The following ASB1 variants were observed in gnomAD, a reference collection of about 807,000 sequenced individuals.
ASB1 encodes ankyrin repeat and SOCS box containing 1, also known as ankyrin repeat and SOCS box protein 1.
Under a neutral mutation model 27.7 loss-of-function variants are expected in ASB1, and 18 were observed. The observed-to-expected ratio is 0.65, with a 90% confidence interval of 0.45 to 0.96. ASB1 has a LOEUF of 0.96. ASB1 is among the 50% of genes least tolerant of loss of function. The pLI, the probability that ASB1 is intolerant of heterozygous loss-of-function variation, is 0.00. For missense variants in ASB1, 397 were observed against 451.7 expected (o/e 0.88, Z 1.10); for synonymous variants, 189 against 187.6 (o/e 1.01, Z -0.06).
Position 238,449,903 on chromosome 2 carries a change from A to G in ASB1, c.*3392A>G, listed in dbSNP as rs1025134384. ...AGCAGACATAGGACTGAGCCAAGGA[A>G]GAGTCTGCCTGAGAGAGACGCTTGG... On this transcript the variant is annotated 3_prime_UTR_variant, in exon 5 of 5. Coordinates refer to ENST00000264607, the MANE Select transcript of ASB1 (RefSeq NM_001040445.3). 1 of 152,240 alleles carries G rather than the reference A, an allele frequency of 6.6e-6. No individual in the cohort carries two copies. Among genetic ancestry groups the G allele is most frequent in the African/African-American group, 2.4e-5 (1 of 41,466 alleles). The allele number at this position is 152,240 out of a possible 1,614,324, so 9.4% of individuals were successfully genotyped here. A position where few individuals can be genotyped will look rare whatever the true frequency, so the allele number is the denominator to read the frequency against.
chr2:238,442,156 C>G (rs1234418782), intron 3 of ASB1, among the ~76,000 whole-genome samples: 3 of 148,574 alleles, frequency 2.0e-5, no homozygotes, highest in African/African-American at 7.5e-5. Context: ...AAGTCTCGCT[C>G]TGTTGCCCAG....
intron 3 of ASB1, among the ~76,000 whole-genome samples, chr2:238,441,614 C>G (rs1323576189): frequency 6.6e-6 from 1 of 152,194 alleles, no homozygotes; most frequent in African/African-American, 2.4e-5. Context: ...CCTCCCTCTT[C>G]CTGTGCTCGG....
intron 3 of ASB1, among the ~76,000 whole-genome samples, chr2:238,443,367 A>G (rs1702115040): frequency 6.6e-6 from 1 of 152,240 alleles, no homozygotes; most frequent in African/African-American, 2.4e-5. Flanking sequence ...TTGGTTTGAC[A>G]ACCTGCTACT....
intron 1 of ASB1, among the ~76,000 whole-genome samples, chr2:238,433,081 G>A (rs1411103834): frequency 1.3e-5 from 2 of 152,008 alleles, no homozygotes; most frequent in South Asian, 2.1e-4. Flanking sequence ...TCTTGCATCC[G>A]TATTCTTCAG....
chr2:238,434,845 G>T (rs776067019), intron 2 of ASB1, among the ~76,000 whole-genome samples: 1 of 152,194 alleles, frequency 6.6e-6, no homozygotes, highest in African/African-American at 2.4e-5. Flanking sequence ...GGCATCTCTG[G>T]TTCTTTACAT....
At chr2:238,438,351 C>T (rs967178864) in intron 3 of ASB1, among the ~76,000 whole-genome samples, 2 of 152,100 alleles carry the variant, frequency 1.3e-5, no homozygotes, top group African/African-American at 2.4e-5. Context: ...AGGCACCCAC[C>T]ACCATGCCCG....
chr2:238,430,077 G>C (rs1701839281), intron 1 of ASB1, among the ~76,000 whole-genome samples: 1 of 152,172 alleles, frequency 6.6e-6, no homozygotes, highest in Non-Finnish European at 1.5e-5. Context: ...CTGGTGGAGG[G>C]TCTTGCTCCA....
At chr2:238,444,243 C>A (rs1381873080) in intron 3 of ASB1, 99 bp from the exon 4 acceptor site, 2 of 1,366,860 alleles carry the variant, frequency 1.5e-6, no homozygotes, top group South Asian at 1.4e-5. Context: ...TGAATCAAGG[C>A]CTTCTGCTCA....
Position 238,438,199 on chromosome 2 carries a change from A to ATTTTTTTTTTTTTTTT in ASB1, c.494+2189_494+2204dup, listed in dbSNP as rs57391955. 1.6e-4 allele frequency among the ~76,000 whole-genome samples: 16 copies of ATTTTTTTTTTTTTTTT among 98,206 alleles called. 2 individuals carry two copies. Among genetic ancestry groups the ATTTTTTTTTTTTTTTT allele is most frequent in the Non-Finnish European group, 2.3e-4 (12 of 53,262 alleles). The allele number at this position is 98,206 out of a possible 152,430, so 64.4% of individuals were successfully genotyped here. A position where few individuals can be genotyped will look rare whatever the true frequency, so the allele number is the denominator to read the frequency against. ...AGAAGTACATATACAGATGCCCTTC[A>ATTTTTTTTTTTTTTTT]TTTTTTTTTTTTTTTTTTGAGACGG... On this transcript the variant is annotated intron_variant, in intron 3 of 4. Transcript: ENST00000264607.
intron 2 of ASB1, among the ~76,000 whole-genome samples, chr2:238,434,618 T>C (rs889195222): frequency 1.3e-5 from 2 of 152,208 alleles, no homozygotes. Flanking sequence ...TCAAAACAGA[T>C]ATCAGTATTT....
intron 3 of ASB1, among the ~76,000 whole-genome samples, chr2:238,436,576 G>A (rs577498013): frequency 3.5e-4 from 53 of 152,214 alleles, no homozygotes; most frequent in Non-Finnish European, 5.9e-4. Context: ...ATAGCTCACT[G>A]CAGCCTCAAA....
At chr2:238,436,605 C>T (rs1559413703) in intron 3 of ASB1, among the ~76,000 whole-genome samples, 2 of 151,942 alleles carry the variant, frequency 1.3e-5, no homozygotes, top group Non-Finnish European at 2.9e-5. Context: ...CTCAAGTGAC[C>T]CTCCTGCCTT....
intron 2 of ASB1, among the ~76,000 whole-genome samples, chr2:238,434,441 G>A (rs988564263): frequency 3.3e-5 from 5 of 152,166 alleles, no homozygotes; most frequent in East Asian, 3.8e-4. Context: ...TTGTGTTTCC[G>A]CGTTCCCTTC....
At chr2:238,431,735 G>A (rs1701874531) in intron 1 of ASB1, among the ~76,000 whole-genome samples, 1 of 150,434 alleles carries the variant, frequency 6.6e-6, no homozygotes, top group African/African-American at 2.4e-5. Flanking sequence ...TGGGGAACAG[G>A]GAGGCCTGAG....
rs377719201 is a variant in ASB1, at chr2:238,435,744, C to G, written c.225C>G (p.Gly75=). The G allele has an allele frequency of 6.2e-7, 1 of 1,613,770 alleles. No homozygotes were observed. Among genetic ancestry groups the G allele is most frequent in the Non-Finnish European group, 8.5e-7 (1 of 1,179,944 alleles). The part of the protein sequence containing the change: ...RINEKSVWCC[G]WLPCTPLRIA... ...ACGAGAAGTCTGTCTGGTGCTGTGG[C>G]TGGCTCCCCTGCACACCGTTGCGAA... The change falls in exon 3 of 5, where the codon GGC becomes GGG. Residue 75 remains glycine, a synonymous_variant. Transcript: ENST00000264607.
At chr2:238,435,563 T>G in intron 2 of ASB1, 148 bp from the exon 3 acceptor site, 2 of 797,306 alleles carry the variant, frequency 2.5e-6, no homozygotes, top group Non-Finnish European at 1.9e-6. Context: ...AGGGGAAAGG[T>G]GTGAGAGCAT....
intron 2 of ASB1, among the ~76,000 whole-genome samples, chr2:238,435,483 G>T (rs1448515127): frequency 6.6e-6 from 1 of 152,218 alleles, no homozygotes; most frequent in African/African-American, 2.4e-5. Context: ...TGATCATTCT[G>T]CAGGTGCCTT....
At chr2:238,430,860 G>C (rs559579) in intron 1 of ASB1, among the ~76,000 whole-genome samples, 106,274 of 151,660 alleles carry the variant, frequency 0.7, 37,701 homozygotes, top group African/African-American at 0.8. Context: ...AAGGAATCTT[G>C]TGAGCAGTAA....
At chr2:238,432,697 C>T (rs1203936381) in intron 1 of ASB1, among the ~76,000 whole-genome samples, 1 of 152,056 alleles carries the variant, frequency 6.6e-6, no homozygotes, top group African/African-American at 2.4e-5. Flanking sequence ...AAGATATTTG[C>T]TAGATTCTTT....
Sources: gnomAD v4.1 joint callset for allele counts (sites outside exome capture counted in the v4.1 genomes callset) on GRCh38, gnomAD v4.1.1 for gene constraint, MANE v1.5 for transcripts, NCBI Gene and HGNC (gene_info 2026-07-23, HGNC 2026-07-21) for gene names.